SLC39A11: variants seen among roughly 807,000 people sequenced by gnomAD.
The protein encoded by SLC39A11 is solute carrier family 39 member 11, also known as zinc transporter ZIP11.
Under a neutral mutation model 36.1 loss-of-function variants are expected in SLC39A11, and 33 were observed. That is an observed-to-expected ratio of 0.91 (90% CI 0.69 to 1.22). The LOEUF (loss-of-function observed/expected upper bound fraction) is 1.22. Ranked by LOEUF, SLC39A11 falls within the 50% of genes most tolerant of loss-of-function variation. The pLI is 0.00. For synonymous variants in SLC39A11, 166 were observed against 170.3 expected (o/e 0.97, Z 0.20); for missense variants, 432 against 430.3 (o/e 1.00, Z -0.03).
intron 3 of SLC39A11, chr17:73,067,887 T>A: frequency 6.2e-7 from 1 of 1,607,838 alleles, no homozygotes; most frequent in Non-Finnish European, 8.5e-7. Flanking sequence ...GCCTGAGACT[T>A]GCAGTAATGT....
chr17:72,900,635 G>A (rs578142711), intron 5 of SLC39A11, among the ~76,000 whole-genome samples: 1 of 151,298 alleles, frequency 6.6e-6, no homozygotes, highest in African/African-American at 2.4e-5. Context: ...GGGAAAGAGT[G>A]GGGGCAAAGG....
intron 6 of SLC39A11, among the ~76,000 whole-genome samples, chr17:72,813,951 G>A (rs535958051): frequency 5.3e-5 from 8 of 152,306 alleles, no homozygotes; most frequent in African/African-American, 1.9e-4. Flanking sequence ...AGGAGGCCAT[G>A]AGAACCGCTT....
At chr17:72,895,985 A>C (rs992796058) in intron 5 of SLC39A11, among the ~76,000 whole-genome samples, 1 of 151,846 alleles carries the variant, frequency 6.6e-6, no homozygotes, top group Non-Finnish European at 1.5e-5. Context: ...GATTATTTTT[A>C]ATCTTTTTTT....
chr17:72,847,872 C>A (rs907448752), intron 6 of SLC39A11, among the ~76,000 whole-genome samples: 2 of 152,174 alleles, frequency 1.3e-5, no homozygotes, highest in African/African-American at 2.4e-5. Context: ...CTTTGCCCAG[C>A]CAAGTTCTTG....
chr17:72,835,067 A>G (rs2078466631), intron 6 of SLC39A11, among the ~76,000 whole-genome samples: 2 of 152,244 alleles, frequency 1.3e-5, no homozygotes, highest in South Asian at 4.1e-4. Flanking sequence ...TCATGCTCAA[A>G]TCCAACAGCG....
At chr17:72,936,411 T>TAAAAAAAAAAAAAAA (rs746428868) in intron 5 of SLC39A11, among the ~76,000 whole-genome samples, 9 of 73,448 alleles carry the variant, frequency 1.2e-4, no homozygotes, top group African/African-American at 4.5e-4. Flanking sequence ...TGAAAAAAAG[T>TAAAAAAAAAAAAAAA]AAAAAAAAAA....
intron 3 of SLC39A11, among the ~76,000 whole-genome samples, 165 bp from the exon 4 acceptor site, chr17:73,031,879 C>T (rs1229916718): frequency 6.6e-6 from 1 of 152,158 alleles, no homozygotes; most frequent in Admixed American, 6.5e-5. Flanking sequence ...AAGCCATCCC[C>T]AGAATTCCCG....
At chr17:72,915,500 T>C (rs1389482427) in intron 5 of SLC39A11, among the ~76,000 whole-genome samples, 1 of 152,220 alleles carries the variant, frequency 6.6e-6, no homozygotes, top group African/African-American at 2.4e-5. Context: ...TGGCATGACA[T>C]GGCAGTGTGC....
intron 3 of SLC39A11, among the ~76,000 whole-genome samples, chr17:73,056,401 T>C (rs2059672287): frequency 6.6e-6 from 1 of 152,136 alleles, no homozygotes; most frequent in South Asian, 2.1e-4. Context: ...ACTCCTGACC[T>C]CAAGTGATCC....
intron 3 of SLC39A11, among the ~76,000 whole-genome samples, chr17:73,064,573 CTCTT>C (rs2059942259): frequency 6.6e-6 from 1 of 151,654 alleles, no homozygotes; most frequent in South Asian, 2.1e-4. Flanking sequence ...CTGAAACACT[CTCTT>C]TATTACTGTG....
Position 72,646,523 on chromosome 17 carries a change from C to T in SLC39A11, c.*1061G>A, listed in dbSNP as rs1014691519. Reference sequence around the variant, plus strand: ...AAGGGGAAATGTAAAATTACCTCTTCTTTTCCTATCCCCTTCTTCCTTTCC... The same window carrying T: ...AAGGGGAAATGTAAAATTACCTCTTTTTTTCCTATCCCCTTCTTCCTTTCC... On this transcript the variant is annotated 3_prime_UTR_variant, in exon 10 of 10. Coordinates refer to ENST00000255559, the MANE Select transcript of SLC39A11 (RefSeq NM_139177.4). 1.3e-5 allele frequency: 2 copies of T among 152,372 alleles called. No individual in the cohort carries two copies. The highest frequency in any genetic ancestry group is 4.8e-5 in the African/African-American group (2 of 41,460). 9.4% of individuals were successfully genotyped at this position (152,372 alleles called of 1,614,324 possible).
At chr17:72,653,405 T>C (rs1374272038) in intron 7 of SLC39A11, among the ~76,000 whole-genome samples, 2 of 103,792 alleles carry the variant, frequency 1.9e-5, no homozygotes, top group East Asian at 5.7e-4. Flanking sequence ...CACTGCACCC[T>C]TTTTTTTTGT....
chr17:72,959,846 T>C (rs1302028448), intron 4 of SLC39A11, among the ~76,000 whole-genome samples: 1 of 152,222 alleles, frequency 6.6e-6, no homozygotes, highest in East Asian at 1.9e-4. Flanking sequence ...CAAGAGTCCA[T>C]GTGTACCTCT....
chr17:73,073,189 A>C (rs1304586169), intron 3 of SLC39A11, among the ~76,000 whole-genome samples: 1 of 152,148 alleles, frequency 6.6e-6, no homozygotes, highest in Non-Finnish European at 1.5e-5. Context: ...CAAAAATAAA[A>C]TAAAATAAAA....
At chr17:72,758,524 G>A (rs1007817381) in intron 6 of SLC39A11, among the ~76,000 whole-genome samples, 6 of 152,176 alleles carry the variant, frequency 3.9e-5, no homozygotes, top group East Asian at 1.9e-4. Context: ...CAGTGATACC[G>A]CAGTTAAGGG....
chr17:72,892,663 G>C (rs2081817438), intron 5 of SLC39A11, among the ~76,000 whole-genome samples: 2 of 152,116 alleles, frequency 1.3e-5, no homozygotes, highest in African/African-American at 4.8e-5. Flanking sequence ...TGGTTCCAGG[G>C]CTAAAAGATG....
rs570157767 is a variant in SLC39A11, at chr17:72,934,630, C to G, written c.430+13122G>C. Among the ~76,000 whole-genome samples, 20 of 152,286 alleles carry G rather than the reference C, an allele frequency of 1.3e-4. No individual in the cohort carries two copies. In the South Asian group the frequency reaches 2.1e-3, roughly 16 times the overall value. On this transcript the variant is annotated intron_variant, in intron 5 of 9. Transcript: ENST00000255559. ...GCTGTGAGCCGAGATTGCGCCACTGCACTCCAGCCTGGGCAACAGAGCCAC... is the reference window on the plus strand; with the variant it reads ...GCTGTGAGCCGAGATTGCGCCACTGGACTCCAGCCTGGGCAACAGAGCCAC...
intron 7 of SLC39A11, among the ~76,000 whole-genome samples, chr17:72,716,139 A>C (rs948017229): frequency 2.0e-5 from 3 of 151,856 alleles, no homozygotes; most frequent in Non-Finnish European, 4.4e-5. Context: ...TGCATTCCCA[A>C]CCTGCAGGCA....
At chr17:73,079,338 C>T (rs545884441) in intron 3 of SLC39A11, among the ~76,000 whole-genome samples, 4 of 152,212 alleles carry the variant, frequency 2.6e-5, no homozygotes, top group East Asian at 1.9e-4. Context: ...CTTAGGTGAT[C>T]CACCCACCTC....
Sources: allele counts gnomAD v4.1 joint callset (sites outside exome capture counted in the v4.1 genomes callset), GRCh38; gene constraint gnomAD v4.1.1; transcripts MANE v1.5; gene names NCBI Gene and HGNC (gene_info 2026-07-23, HGNC 2026-07-21).